The following FBXO36 variants were observed in gnomAD, a reference collection of about 807,000 sequenced individuals.
FBXO36 encodes F-box only protein 36.
In FBXO36, 18 loss-of-function variants were observed where a neutral mutation model predicts 17.0. That is an observed-to-expected ratio of 1.06 (90% CI 0.73 to 1.57). The LOEUF (loss-of-function observed/expected upper bound fraction) is 1.57, where lower values mean the gene tolerates loss of function less well. FBXO36 is among the 40% of genes most tolerant of loss of function. The probability of loss-of-function intolerance (pLI) is 0.00; values close to 1 mark genes in which losing one functional copy is unlikely to be tolerated. For missense variants in FBXO36, 229 were observed against 221.9 expected, an observed-to-expected ratio of 1.03 and a Z score of -0.20; for synonymous variants, 83 against 85.3, an observed-to-expected ratio of 0.97 and a Z score of 0.15.
intron 1 of FBXO36, among the ~76,000 whole-genome samples, chr2:229,942,221 T>C (rs1239775444): frequency 1.3e-5 from 2 of 152,014 alleles, no homozygotes; most frequent in East Asian, 3.9e-4. Flanking sequence ...AAATGGGTAA[T>C]AGGAGGCAGC....
intron 2 of FBXO36, among the ~76,000 whole-genome samples, chr2:229,996,344 C>G (rs2077327307): frequency 6.6e-6 from 1 of 152,004 alleles, no homozygotes; most frequent in Non-Finnish European, 1.5e-5. Context: ...GACTAATGGA[C>G]AGTAGCAGGG....
intron 1 of FBXO36, among the ~76,000 whole-genome samples, chr2:229,965,988 C>T (rs1259097742): frequency 6.6e-6 from 1 of 152,176 alleles, no homozygotes; most frequent in African/African-American, 2.4e-5. Flanking sequence ...AGTTTACAGT[C>T]CCACCAACAG....
intron 1 of FBXO36, among the ~76,000 whole-genome samples, chr2:229,972,970 T>C (rs933575775): frequency 6.6e-6 from 1 of 150,760 alleles, no homozygotes; most frequent in Non-Finnish European, 1.5e-5. Flanking sequence ...GTTGAGGTAG[T>C]AGAACAGCTT....
chr2:229,967,495 T>C (rs1351603138), intron 1 of FBXO36, among the ~76,000 whole-genome samples: 2 of 152,240 alleles, frequency 1.3e-5, no homozygotes, highest in Non-Finnish European at 2.9e-5. Flanking sequence ...GCCCATTCAG[T>C]ATGATATTGG....
chr2:230,006,018 T>G (rs143295366), intron 3 of FBXO36, among the ~76,000 whole-genome samples: 1 of 152,230 alleles, frequency 6.6e-6, no homozygotes, highest in East Asian at 1.9e-4. Context: ...TCCACTAAGT[T>G]TTCTAATTAC....
intron 1 of FBXO36, among the ~76,000 whole-genome samples, chr2:229,937,652 T>C (rs554190601): frequency 6.6e-6 from 1 of 152,322 alleles, no homozygotes; most frequent in African/African-American, 2.4e-5. Flanking sequence ...TGGCTTTTTT[T>C]CCACTCACCC....
chr2:229,974,045 G>A (rs959846384), intron 1 of FBXO36, among the ~76,000 whole-genome samples: 5 of 152,062 alleles, frequency 3.3e-5, no homozygotes, highest in Admixed American at 6.6e-5. Context: ...ACAAGACCCC[G>A]TTTCAAAAAC....
intron 1 of FBXO36, among the ~76,000 whole-genome samples, chr2:229,935,930 G>A (rs780513827): frequency 1.3e-5 from 2 of 152,178 alleles, no homozygotes; most frequent in Admixed American, 6.6e-5. Context: ...GCTCACCCCT[G>A]TAATCCCAGG....
chr2:229,968,404 T>G (rs2077164430), intron 1 of FBXO36, among the ~76,000 whole-genome samples: 2 of 152,184 alleles, frequency 1.3e-5, no homozygotes, highest in Non-Finnish European at 2.9e-5. Flanking sequence ...GTTCACAAAC[T>G]TAAACTGTCT....
intron 2 of FBXO36, among the ~76,000 whole-genome samples, chr2:229,979,696 C>T (rs1471166539): frequency 1.3e-5 from 2 of 151,446 alleles, no homozygotes; most frequent in Non-Finnish European, 2.9e-5. Context: ...AGGAGAATCA[C>T]TTGAACCCGG....
chr2:229,951,213 G>A (rs969757644), intron 1 of FBXO36, among the ~76,000 whole-genome samples: 8 of 151,870 alleles, frequency 5.3e-5, no homozygotes, highest in East Asian at 1.9e-4. Context: ...GATTACAGGC[G>A]TGAGCCACCG....
chr2:229,926,671 G>A (rs972494054), intron 1 of FBXO36, among the ~76,000 whole-genome samples: 1 of 148,636 alleles, frequency 6.7e-6, no homozygotes, highest in African/African-American at 2.5e-5. Context: ...TTGAACCCAG[G>A]AGACAAAGGT....
intron 1 of FBXO36, among the ~76,000 whole-genome samples, chr2:229,964,519 T>C (rs1399098190): frequency 6.6e-6 from 1 of 152,254 alleles, no homozygotes; most frequent in Non-Finnish European, 1.5e-5. Flanking sequence ...TCAGTATTTC[T>C]TTTTGTTTCT....
At chr2:229,988,133 A>G (rs542244978) in intron 2 of FBXO36, among the ~76,000 whole-genome samples, 10 of 152,208 alleles carry the variant, frequency 6.6e-5, no homozygotes, top group African/African-American at 2.4e-4. Flanking sequence ...AGGTAGTTGG[A>G]GATTTCTTAG....
At position 229,922,531 on chromosome 2, in the gene FBXO36, G is replaced by T; in HGVS notation, c.18G>T (p.Pro6=). 6.2e-7 allele frequency: 1 copy of T among 1,613,894 alleles called. No homozygotes were observed. Among genetic ancestry groups the T allele is most frequent in the Non-Finnish European group, 8.5e-7 (1 of 1,179,968 alleles). ...GTCCCAAGATGGCGTCGTGGCTGCC[G>T]GAGACTCTCTTTGAAACTGTAGGAC... The part of the protein sequence containing the change: MASWL[P]ETLFETVGQG... The change falls in exon 1 of 4, where the codon CCG becomes CCT. Residue 6 remains proline, a synonymous_variant. Coordinates refer to ENST00000283946, the MANE Select transcript of FBXO36 (RefSeq NM_174899.5).
intron 1 of FBXO36, among the ~76,000 whole-genome samples, chr2:229,958,734 A>G (rs1415141613): frequency 1.3e-5 from 2 of 152,148 alleles, no homozygotes. Flanking sequence ...CCGCTGCAAG[A>G]GTGGATCTGA....
chr2:230,007,647 G>T (rs2077394067), intron 3 of FBXO36, among the ~76,000 whole-genome samples: 1 of 152,086 alleles, frequency 6.6e-6, no homozygotes, highest in Non-Finnish European at 1.5e-5. Flanking sequence ...TGTTGCCCAG[G>T]CTGGAGTGCA....
Position 229,959,146 on chromosome 2 carries a change from A to G in FBXO36, c.97-17095A>G, listed in dbSNP as rs560904302. ...TTTTTTTTCTGAATCGTAAGTACCC[A>G]TGTTAGATTTTGCCCTCATTTTCTT... On this transcript the variant is annotated intron_variant, in intron 1 of 3. Coordinates refer to ENST00000283946, the MANE Select transcript of FBXO36 (RefSeq NM_174899.5). Among the ~76,000 whole-genome samples the G allele has an allele frequency of 2.0e-4, 31 of 152,052 alleles. 1 individual carries two copies. The highest frequency in any genetic ancestry group is 1.9e-4 in the Non-Finnish European group (13 of 68,000).
chr2:229,981,701 CAAAAAA>C (rs11326626), intron 2 of FBXO36, among the ~76,000 whole-genome samples: 1 of 103,202 alleles, frequency 9.7e-6, no homozygotes. Context: ...GACCCTGTCT[CAAAAAA>C]AAAAAAAAAA....
Sources: allele counts gnomAD v4.1 joint callset (sites outside exome capture counted in the v4.1 genomes callset), GRCh38; gene constraint gnomAD v4.1.1; transcripts MANE v1.5; gene names NCBI Gene and HGNC (gene_info 2026-07-23, HGNC 2026-07-21).